APAF1: variants seen among roughly 807,000 people sequenced by gnomAD.
APAF1 encodes apoptotic protease-activating factor 1.
APAF1 carries 91 observed loss-of-function variants against 152.4 expected under a neutral mutation model. The observed-to-expected ratio is 0.60, with a 90% CI of 0.50 to 0.71. The LOEUF is 0.71. APAF1 is among the 30% of genes least tolerant of loss of function. The pLI, the probability that APAF1 is intolerant of heterozygous loss-of-function variation, is 0.00. For synonymous variants in APAF1, 484 were observed against 494.1 expected (o/e 0.98, Z 0.27); for missense variants, 1,283 against 1,472.0 (o/e 0.87, Z 2.10).
At position 98,725,425 on chromosome 12, in the gene APAF1, T is replaced by C; in HGVS notation, c.3341T>C (p.Phe1114Ser). The C allele has an allele frequency of 6.2e-7, 1 of 1,614,132 alleles. No homozygotes were observed. Among genetic ancestry groups the C allele is most frequent in the Non-Finnish European group, 8.5e-7 (1 of 1,180,016 alleles). The change falls in exon 25 of 27, where the codon TTT becomes TCT. Residue 1114 changes from phenylalanine (F) to serine (S), a missense_variant. Physicochemically the swap from Phe to Ser is radical, Grantham distance 155 (BLOSUM62 -2). Coordinates refer to ENST00000551964, the MANE Select transcript of APAF1 (RefSeq NM_181861.2). Reference protein sequence around the residue: ...SADKTAKIWSFDLLLPLHELR... With the variant: ...SADKTAKIWSSDLLLPLHELR... Reference sequence around the variant, plus strand: ...CTAATTGCCTTCCAGATCTGGAGTTTTGATCTCCTTTTGCCACTTCATGAA... The same window carrying C: ...CTAATTGCCTTCCAGATCTGGAGTTCTGATCTCCTTTTGCCACTTCATGAA...
chr12:98,681,102 C>G (rs1011213387), intron 14 of APAF1, among the ~76,000 whole-genome samples: 1 of 152,168 alleles, frequency 6.6e-6, no homozygotes, highest in Non-Finnish European at 1.5e-5. Context: ...TGCTCTGACA[C>G]CCAGACTGGA....
chr12:98,695,504 A>G (rs746549280), intron 16 of APAF1, among the ~76,000 whole-genome samples: 22 of 152,188 alleles, frequency 1.4e-4, no homozygotes, highest in Non-Finnish European at 2.2e-4. Context: ...AGCTGGGACT[A>G]CAGGTGTGCA....
intron 14 of APAF1, 42 bp downstream of exon 14, chr12:98,680,444 T>A: frequency 6.3e-7 from 1 of 1,599,598 alleles, no homozygotes. Flanking sequence ...CACAACAGAA[T>A]TCATTTTATT....
At chr12:98,726,053 T>TG (rs2153344913) in intron 25 of APAF1, among the ~76,000 whole-genome samples, 1 of 152,250 alleles carries the variant, frequency 6.6e-6, no homozygotes, top group South Asian at 2.1e-4. Flanking sequence ...TTTCCGTCAT[T>TG]GTGGGGCAGC....
chr12:98,656,607 T>A (rs2097658043), intron 4 of APAF1, among the ~76,000 whole-genome samples: 1 of 152,230 alleles, frequency 6.6e-6, no homozygotes, highest in African/African-American at 2.4e-5. Context: ...CTGTCATTCC[T>A]ATGTGTTTCT....
intron 24 of APAF1, 112 bp from the exon 25 acceptor site, chr12:98,725,298 ATGAAT>A: frequency 7.5e-7 from 1 of 1,332,122 alleles, no homozygotes; most frequent in Non-Finnish European, 1.1e-6. Context: ...ATGACAGTTT[ATGAAT>A]TGCCAGATAT....
intron 19 of APAF1, 74 bp downstream of exon 19, chr12:98,706,684 A>T: frequency 6.4e-7 from 1 of 1,562,164 alleles, no homozygotes; most frequent in Non-Finnish European, 8.8e-7. Context: ...TAAGAAATTG[A>T]TGGGTAGCAC....
rs765701526 is a variant in APAF1 at position 98,648,819 on chromosome 12, T to A, written c.328+4T>A. The A allele has an allele frequency of 6.2e-7, 1 of 1,612,802 alleles. No individual in the cohort carries two copies. Among genetic ancestry groups the A allele is most frequent in the South Asian group, 1.1e-5 (1 of 91,064 alleles). On this transcript the variant is annotated splice_donor_region_variant and intron_variant, in intron 3 of 26. Coordinates refer to ENST00000551964, the MANE Select transcript of APAF1 (RefSeq NM_181861.2). Reference sequence around the variant, plus strand: ...GTTAGTGGAATAACTTCGTATGGTTTGTATCCATTATACCTTCTATCACTT... The same window carrying A: ...GTTAGTGGAATAACTTCGTATGGTTAGTATCCATTATACCTTCTATCACTT...
intron 19 of APAF1, among the ~76,000 whole-genome samples, chr12:98,707,306 G>A (rs1159529329): frequency 6.6e-6 from 1 of 152,070 alleles, no homozygotes; most frequent in Non-Finnish European, 1.5e-5. Flanking sequence ...GTAGTTCCCT[G>A]CTTCTGTGCT....
chr12:98,662,418 A>G (rs1271140227), intron 5 of APAF1, 38 bp from the exon 6 acceptor site: 3 of 1,412,828 alleles, frequency 2.1e-6, no homozygotes, highest in Admixed American at 3.4e-5. Context: ...AGCTTAAGAT[A>G]AGTGTCATTA....
chr12:98,656,767 T>C (rs531220101), intron 4 of APAF1, among the ~76,000 whole-genome samples: 1 of 152,348 alleles, frequency 6.6e-6, no homozygotes, highest in East Asian at 1.9e-4. Context: ...TGGCAACTTT[T>C]TTCCTTTATA....
intron 22 of APAF1, among the ~76,000 whole-genome samples, chr12:98,721,906 C>T (rs1183344335): frequency 6.6e-6 from 1 of 152,214 alleles, no homozygotes; most frequent in African/African-American, 2.4e-5. Context: ...AAAAGCTAGA[C>T]TCAGAATGTT....
intron 4 of APAF1, among the ~76,000 whole-genome samples, chr12:98,650,290 C>G (rs997624665): frequency 2.6e-5 from 4 of 151,934 alleles, no homozygotes; most frequent in African/African-American, 9.7e-5. Context: ...CAAGACCAGC[C>G]TGGGCAACAT....
chr12:98,658,811 CA>C (rs1464538321), intron 4 of APAF1, among the ~76,000 whole-genome samples: 6 of 152,170 alleles, frequency 3.9e-5, no homozygotes, highest in Non-Finnish European at 7.4e-5. Flanking sequence ...CAGTCCCTTA[CA>C]ACAAAGAATT....
At chr12:98,730,896 T>A (rs2097760040) in intron 26 of APAF1, among the ~76,000 whole-genome samples, 1 of 152,186 alleles carries the variant, frequency 6.6e-6, no homozygotes, top group African/African-American at 2.4e-5. Context: ...AAAAAATAAT[T>A]TAGCTGTTTA....
At chr12:98,657,305 T>G (rs976273986) in intron 4 of APAF1, among the ~76,000 whole-genome samples, 7 of 152,250 alleles carry the variant, frequency 4.6e-5, no homozygotes. Context: ...TCCATCATTT[T>G]ATTGTCCATC....
intron 21 of APAF1, among the ~76,000 whole-genome samples, chr12:98,714,752 C>A (rs1171415538): frequency 6.6e-6 from 1 of 151,578 alleles, no homozygotes; most frequent in Admixed American, 6.6e-5. Context: ...TTTCCTTAGG[C>A]TTTCTTGAGT....
At chr12:98,698,961 G>T (rs2153333769) in intron 16 of APAF1, among the ~76,000 whole-genome samples, 1 of 152,282 alleles carries the variant, frequency 6.6e-6, no homozygotes, top group South Asian at 2.1e-4. Context: ...GTCTCTGGAT[G>T]CTCTGCTAGG....
chr12:98,713,579 G>A (rs770541633), intron 21 of APAF1, among the ~76,000 whole-genome samples: 2 of 152,228 alleles, frequency 1.3e-5, no homozygotes, highest in East Asian at 1.9e-4. Context: ...AGGCAAAAAT[G>A]TAGTATAATA....
Sources: gnomAD v4.1 joint callset for allele counts (sites outside exome capture counted in the v4.1 genomes callset) on GRCh38, gnomAD v4.1.1 for gene constraint, MANE v1.5 for transcripts, NCBI Gene and HGNC (gene_info 2026-07-23, HGNC 2026-07-21) for gene names.